SEMA6A: variants seen among roughly 807,000 people sequenced by gnomAD.
The protein encoded by SEMA6A is semaphorin 6A, also known as semaphorin-6A.
A neutral mutation model predicts 96.8 loss-of-function variants in SEMA6A; 25 were observed. The observed-to-expected ratio is 0.26, with a 90% CI of 0.19 to 0.36. The LOEUF is 0.36. Among genes scored for constraint, SEMA6A ranks in the 10% least tolerant of loss-of-function variants. The probability of loss-of-function intolerance (pLI) is 1.00; values close to 1 mark genes in which losing one functional copy is unlikely to be tolerated. For synonymous variants in SEMA6A, 612 were observed against 518.0 expected, an observed-to-expected ratio of 1.18 and a Z score of -2.46; for missense variants, 1,363 against 1,323.1, an observed-to-expected ratio of 1.03 and a Z score of -0.47.
chr5:116,564,627 C>T (rs1326671775), intron 1 of SEMA6A, among the ~76,000 whole-genome samples: 1 of 152,196 alleles, frequency 6.6e-6, no homozygotes, highest in Non-Finnish European at 1.5e-5. Flanking sequence ...GCAATTTACT[C>T]CCCAAATCCT....
chr5:116,569,059 T>C (rs1467146747), intron 1 of SEMA6A, among the ~76,000 whole-genome samples: 1 of 152,180 alleles, frequency 6.6e-6, no homozygotes, highest in Non-Finnish European at 1.5e-5. Flanking sequence ...GAATAAAGCC[T>C]AAAAATGTCT....
intron 18 of SEMA6A, among the ~76,000 whole-genome samples, chr5:116,453,235 C>G (rs576972130): frequency 6.6e-6 from 1 of 152,166 alleles, no homozygotes; most frequent in African/African-American, 2.4e-5. Flanking sequence ...ACAGGCTGTT[C>G]TCTCTGCCTG....
chr5:116,573,906 G>C (rs768778795), intron 1 of SEMA6A, among the ~76,000 whole-genome samples: 5 of 152,048 alleles, frequency 3.3e-5, no homozygotes, highest in Admixed American at 6.5e-5. Flanking sequence ...CATACGCGCC[G>C]TCGCGGCCCG....
In SEMA6A at chr5:116,467,043, G is replaced by T. The variant is rs906711601; in HGVS notation, c.1894+540C>A. ...CTGCTTGATTAAATAACATATTTTTGTCTTAGCTACTATCCTCTAAGGGCA... is the reference window on the plus strand; with the variant it reads ...CTGCTTGATTAAATAACATATTTTTTTCTTAGCTACTATCCTCTAAGGGCA... On this transcript the variant is annotated intron_variant, in intron 18 of 18. Transcript: ENST00000343348. Among the ~76,000 whole-genome samples the T allele has an allele frequency of 9.9e-5, 15 of 151,756 alleles. 1 individual carries two copies. Among genetic ancestry groups the T allele is most frequent in the Admixed American group, 7.2e-4 (11 of 15,248 alleles).
chr5:116,486,487 A>G (rs913643082), intron 10 of SEMA6A, among the ~76,000 whole-genome samples: 2 of 152,222 alleles, frequency 1.3e-5, no homozygotes, highest in African/African-American at 4.8e-5. Context: ...TAAATAACAC[A>G]TAAAAAGTGT....
chr5:116,460,857 C>G (rs1479375394), intron 18 of SEMA6A, among the ~76,000 whole-genome samples: 1 of 149,920 alleles, frequency 6.7e-6, no homozygotes, highest in Non-Finnish European at 1.5e-5. Flanking sequence ...ACGATCTCGG[C>G]TGACTGCAAC....
intron 17 of SEMA6A, chr5:116,472,871 A>T (rs1416087567): frequency 2.7e-6 from 4 of 1,473,430 alleles, no homozygotes; most frequent in Non-Finnish European, 3.6e-6. Flanking sequence ...AAAAAAAAAA[A>T]TCCGTAAACT....
intron 1 of SEMA6A, among the ~76,000 whole-genome samples, chr5:116,543,252 G>A (rs1461702401): frequency 8.5e-5 from 13 of 152,066 alleles, no homozygotes; most frequent in Admixed American, 8.5e-4. Context: ...AGGCGCTTGG[G>A]TCCAGTAAAA....
At chr5:116,559,198 A>G (rs555978573) in intron 1 of SEMA6A, among the ~76,000 whole-genome samples, 1 of 152,264 alleles carries the variant, frequency 6.6e-6, no homozygotes, top group Non-Finnish European at 1.5e-5. Flanking sequence ...ACATACTCAA[A>G]AATTTCAGCA....
rs900438422 is a variant in SEMA6A, at chr5:116,446,535, G to T, written c.*78C>A. 2 of 1,248,100 alleles carry T rather than the reference G, an allele frequency of 1.6e-6. No individual in the cohort carries two copies. Among genetic ancestry groups the T allele is most frequent in the Non-Finnish European group, 2.2e-6 (2 of 922,306 alleles). The allele number at this position is 1,248,100 out of a possible 1,614,324, so 77.3% of individuals were successfully genotyped here. A position where few individuals can be genotyped will look rare whatever the true frequency, so the allele number is the denominator to read the frequency against. On this transcript the variant is annotated 3_prime_UTR_variant, in exon 19 of 19. Transcript: ENST00000343348. ...CTTCTTGGTCTGGTGGGTACTCGAG[G>T]CAGTTGAGAACCTTGCTGAGCTGAG...
chr5:116,474,103 TG>T (rs758708071), intron 16 of SEMA6A, among the ~76,000 whole-genome samples: 3 of 152,176 alleles, frequency 2.0e-5, no homozygotes, highest in Admixed American at 6.5e-5. Context: ...ACTGGTATAG[TG>T]GACATTTTAT....
chr5:116,512,628 G>C (rs992001430), intron 1 of SEMA6A, among the ~76,000 whole-genome samples: 1 of 152,020 alleles, frequency 6.6e-6, no homozygotes, highest in African/African-American at 2.4e-5. Context: ...ATTATCTTTT[G>C]AGGGAGAAGG....
intron 7 of SEMA6A, among the ~76,000 whole-genome samples, chr5:116,491,362 C>A (rs1158998735): frequency 6.6e-6 from 1 of 152,044 alleles, no homozygotes. Context: ...TGAACCTAGC[C>A]AATCCCAAAG....
At chr5:116,548,840 A>C (rs2112879733) in intron 1 of SEMA6A, among the ~76,000 whole-genome samples, 1 of 152,360 alleles carries the variant, frequency 6.6e-6, no homozygotes, top group Middle Eastern at 3.4e-3. Context: ...CTATGCTTAA[A>C]TGAATGCTGC....
rs188596929 is a variant in SEMA6A, at chr5:116,496,917, C to T, written c.279+410G>A. Among the ~76,000 whole-genome samples the T allele has an allele frequency of 1.6e-3, 246 of 152,212 alleles. 1 individual carries two copies. Among genetic ancestry groups the T allele is most frequent in the Middle Eastern group, 6.8e-3 (2 of 294 alleles). ...CTTTATGTCTGTCTGAAATGGGTAA[C>T]GATCAAGTTCCTGAACCACAGCAGT... On this transcript the variant is annotated intron_variant, in intron 4 of 18. Coordinates refer to ENST00000343348, the MANE Select transcript of SEMA6A (RefSeq NM_020796.5).
chr5:116,546,208 G>A (rs1041778343), intron 1 of SEMA6A, among the ~76,000 whole-genome samples: 25 of 152,190 alleles, frequency 1.6e-4, no homozygotes, highest in Non-Finnish European at 3.5e-4. Context: ...TGGCCTTGGG[G>A]CTCTTACGCA....
At chr5:116,453,202 C>G (rs2112594143) in intron 18 of SEMA6A, among the ~76,000 whole-genome samples, 1 of 152,280 alleles carries the variant, frequency 6.6e-6, no homozygotes, top group Non-Finnish European at 1.5e-5. Flanking sequence ...CTTCCATACT[C>G]AAGCTTGCTT....
intron 1 of SEMA6A, among the ~76,000 whole-genome samples, chr5:116,565,819 A>AT (rs1761002290): frequency 6.6e-6 from 1 of 152,070 alleles, no homozygotes; most frequent in Admixed American, 6.5e-5. Flanking sequence ...GTGGAATGCA[A>AT]TTTTTTGTAA....
intron 1 of SEMA6A, among the ~76,000 whole-genome samples, chr5:116,555,692 A>T (rs1166722387): frequency 6.6e-6 from 1 of 151,778 alleles, no homozygotes; most frequent in Non-Finnish European, 1.5e-5. Context: ...AAATTGTAAA[A>T]ATTATCCAGG....
Sources: allele counts gnomAD v4.1 joint callset (sites outside exome capture counted in the v4.1 genomes callset), GRCh38; gene constraint gnomAD v4.1.1; transcripts MANE v1.5; gene names NCBI Gene and HGNC (gene_info 2026-07-23, HGNC 2026-07-21).